CCBE1: variants seen among roughly 807,000 people sequenced by gnomAD.
The protein encoded by CCBE1 is collagen and calcium binding EGF domains 1, also known as collagen and calcium-binding EGF domain-containing protein 1.
A neutral mutation model predicts 50.0 loss-of-function variants in CCBE1; 37 were observed. The observed-to-expected ratio is 0.74, with a 90% CI of 0.57 to 0.97. The LOEUF (loss-of-function observed/expected upper bound fraction) is 0.97, where lower values mean the gene tolerates loss of function less well. Among genes scored for constraint, CCBE1 ranks in the 50% least tolerant of loss-of-function variants. CCBE1 has a pLI of 0.00. For missense variants in CCBE1, 538 were observed against 523.8 expected (o/e 1.03, Z -0.26); for synonymous variants, 234 against 203.7 (o/e 1.15, Z -1.27).
intron 3 of CCBE1, among the ~76,000 whole-genome samples, chr18:59,476,498 A>G (rs2143758553): frequency 1.3e-5 from 2 of 152,316 alleles, no homozygotes. Context: ...GGCTTTGTAG[A>G]TCTCTTTTGC....
intron 2 of CCBE1, among the ~76,000 whole-genome samples, chr18:59,485,765 C>A (rs1486901352): frequency 6.6e-6 from 1 of 152,084 alleles, no homozygotes; most frequent in African/African-American, 2.4e-5. Context: ...CGCCTGCCAC[C>A]ACGCTCAGCT....
intron 2 of CCBE1, among the ~76,000 whole-genome samples, chr18:59,665,314 G>A (rs1215719952): frequency 6.6e-6 from 1 of 152,172 alleles, no homozygotes; most frequent in African/African-American, 2.4e-5. Context: ...TACAGAAGGT[G>A]TATTGACTTC....
rs1422103905 is a variant in CCBE1 at position 59,697,318 on chromosome 18, C to T, written c.25G>A (p.Gly9Arg). The change falls in exon 1 of 11, where the codon GGA becomes AGA. Residue 9 changes from glycine (G) to arginine (R), a missense_variant. Transcript: ENST00000439986. ...CCCAGCTGGCCCCTGGCAGCTCCTC[C>T]CCGGCTCGGAGGCGGCGGCACCATC... Reference protein sequence around the residue: MVPPPPSRGGAARGQLGRS... With the variant: MVPPPPSRRGAARGQLGRS... 2 of 1,548,602 alleles carry T rather than the reference C, an allele frequency of 1.3e-6. No homozygotes were observed. The highest frequency in any genetic ancestry group is 2.7e-5 in the African/African-American group (2 of 73,018).
Position 59,697,130 on chromosome 18 carries a change from G to T in CCBE1, c.131+82C>A, listed in dbSNP as rs1599147834. ...CGTGCGGATCGCTGTGGGAGTGGGC[G>T]CCGGGGAGGACCGCCCGCACCCCGC... On this transcript the variant is annotated intron_variant, in intron 1 of 10. Transcript: ENST00000439986. The T allele has an allele frequency of 4.6e-6, 7 of 1,531,914 alleles. No homozygotes were observed. In the East Asian group the frequency reaches 9.8e-5, roughly 21 times the overall value. 94.9% of individuals were successfully genotyped at this position (1,531,914 alleles called of 1,614,324 possible). A position where few individuals can be genotyped will look rare whatever the true frequency, so the allele number is the denominator to read the frequency against.
chr18:59,443,392 G>A (rs1048929326), intron 7 of CCBE1, among the ~76,000 whole-genome samples: 3 of 152,138 alleles, frequency 2.0e-5, no homozygotes, highest in Non-Finnish European at 4.4e-5. Flanking sequence ...ATCAGCTGGG[G>A]GGATGAGGGA....
At chr18:59,544,565 T>TC (rs1915608893) in intron 2 of CCBE1, among the ~76,000 whole-genome samples, 1 of 152,206 alleles carries the variant, frequency 6.6e-6, no homozygotes, top group South Asian at 2.1e-4. Context: ...CTCAGGTCCT[T>TC]CCCTTTCCCT....
At chr18:59,454,808 T>G in intron 6 of CCBE1, 43 bp downstream of exon 6, 1 of 1,527,358 alleles carries the variant, frequency 6.5e-7, no homozygotes. Context: ...GGCCAAGCCC[T>G]CCTTCCATCA....
intron 5 of CCBE1, chr18:59,462,361 C>T (rs1012038948): frequency 2.0e-5 from 3 of 152,130 alleles, no homozygotes; most frequent in African/African-American, 7.2e-5. Context: ...AGGATACCAT[C>T]ACTTGTGATA....
chr18:59,472,669 A>C (rs1912089394), intron 3 of CCBE1, among the ~76,000 whole-genome samples: 1 of 152,192 alleles, frequency 6.6e-6, no homozygotes, highest in South Asian at 2.1e-4. Context: ...ATGTGCATTC[A>C]CCATGAACCT....
intron 2 of CCBE1, among the ~76,000 whole-genome samples, chr18:59,498,902 C>G (rs1266509121): frequency 6.6e-6 from 1 of 152,180 alleles, no homozygotes; most frequent in Non-Finnish European, 1.5e-5. Context: ...GCTTTTTAAT[C>G]TGGTCTCCTG....
chr18:59,455,540 G>T (rs1411669546), intron 5 of CCBE1, among the ~76,000 whole-genome samples: 1 of 152,162 alleles, frequency 6.6e-6, no homozygotes, highest in South Asian at 2.1e-4. Context: ...CACTGCAAAG[G>T]GTCCCAAAGC....
At chr18:59,516,071 G>T (rs1014040972) in intron 2 of CCBE1, among the ~76,000 whole-genome samples, 1 of 152,092 alleles carries the variant, frequency 6.6e-6, no homozygotes, top group African/African-American at 2.4e-5. Context: ...CGATTCTTTT[G>T]CTCCAGCCTC....
chr18:59,481,442 G>A (rs1445681128), intron 2 of CCBE1, among the ~76,000 whole-genome samples: 1 of 152,152 alleles, frequency 6.6e-6, no homozygotes, highest in African/African-American at 2.4e-5. Context: ...CCAAAATTGA[G>A]TGAGAGACAT....
chr18:59,450,414 G>A (rs1335585748), intron 6 of CCBE1, among the ~76,000 whole-genome samples: 2 of 152,154 alleles, frequency 1.3e-5, no homozygotes, highest in African/African-American at 2.4e-5. Flanking sequence ...GCACAGAGAG[G>A]TTAGGTAACT....
chr18:59,624,559 A>G (rs1273768345), intron 2 of CCBE1, among the ~76,000 whole-genome samples: 1 of 152,244 alleles, frequency 6.6e-6, no homozygotes, highest in African/African-American at 2.4e-5. Context: ...ACTGAGGCTG[A>G]AGGCCCAATG....
In CCBE1 at chr18:59,467,870, G is replaced by A. The variant is rs978838442; in HGVS notation, c.401-979C>T. 2.4e-3 allele frequency among the ~76,000 whole-genome samples: 4 copies of A among 1,684 alleles called. No homozygotes were observed. The Non-Finnish European group carries it at 0.05, about 21-fold the overall frequency. 1.1% of individuals were successfully genotyped at this position (1,684 alleles called of 152,430 possible). On this transcript the variant is annotated intron_variant, in intron 4 of 10. Coordinates refer to ENST00000439986, the MANE Select transcript of CCBE1 (RefSeq NM_133459.4). ...CTGAGGGGAGGGTGGTCATCTGGACGCTCCCCGGCAGTACCAACTATGTCA... is the reference window on the plus strand; with the variant it reads ...CTGAGGGGAGGGTGGTCATCTGGACACTCCCCGGCAGTACCAACTATGTCA...
intron 2 of CCBE1, among the ~76,000 whole-genome samples, chr18:59,513,723 G>T (rs1411309813): frequency 6.6e-6 from 1 of 152,246 alleles, no homozygotes; most frequent in Non-Finnish European, 1.5e-5. Flanking sequence ...ACGGGGACGG[G>T]CCTGGCAATG....
intron 2 of CCBE1, among the ~76,000 whole-genome samples, chr18:59,492,441 T>C (rs1913156033): frequency 6.6e-6 from 1 of 152,180 alleles, no homozygotes; most frequent in South Asian, 2.1e-4. Flanking sequence ...TATGGTCTTA[T>C]GGATTAGACT....
At chr18:59,492,465 T>A (rs1009821838) in intron 2 of CCBE1, among the ~76,000 whole-genome samples, 1 of 152,134 alleles carries the variant, frequency 6.6e-6, no homozygotes, top group Admixed American at 6.5e-5. Context: ...CAACAGGATG[T>A]GAGTGACTGA....
Sources: allele counts gnomAD v4.1 joint callset (sites outside exome capture counted in the v4.1 genomes callset), GRCh38; gene constraint gnomAD v4.1.1; transcripts MANE v1.5; gene names NCBI Gene and HGNC (gene_info 2026-07-23, HGNC 2026-07-21).